Variants in SORCS3 observed in about 807,000 individuals in gnomAD.
The protein encoded by SORCS3 is VPS10 domain-containing receptor SorCS3.
SORCS3 carries 57 observed loss-of-function variants against 146.3 expected under a neutral mutation model. The ratio of observed to expected loss-of-function variants is 0.39; its 90% CI spans 0.31 to 0.49. The LOEUF (loss-of-function observed/expected upper bound fraction) is 0.49, where lower values mean the gene tolerates loss of function less well. Ranked by LOEUF, SORCS3 falls within the 20% of genes least tolerant of loss-of-function variation. SORCS3 has a pLI of 0.92. For synonymous variants in SORCS3, 653 were observed against 618.5 expected, an observed-to-expected ratio of 1.06 and a Z score of -0.83; for missense variants, 1,341 against 1,575.5, an observed-to-expected ratio of 0.85 and a Z score of 2.52.
chr10:105,040,271 A>T (rs2055330785), intron 4 of SORCS3, among the ~76,000 whole-genome samples: 1 of 152,170 alleles, frequency 6.6e-6, no homozygotes. Context: ...TATACATACA[A>T]GATATAGAAA....
chr10:104,978,695 A>C (rs2054916303), intron 4 of SORCS3, among the ~76,000 whole-genome samples: 1 of 152,082 alleles, frequency 6.6e-6, no homozygotes, highest in Non-Finnish European at 1.5e-5. Context: ...TTCTGTTACC[A>C]CCACTACTCA....
chr10:104,720,287 C>A (rs1460004268), intron 1 of SORCS3, among the ~76,000 whole-genome samples: 3 of 152,170 alleles, frequency 2.0e-5, no homozygotes, highest in African/African-American at 4.8e-5. Flanking sequence ...TCATTCATGT[C>A]CCTACAAAGG....
intron 20 of SORCS3, 119 bp from the exon 21 acceptor site, chr10:105,245,423 T>G: frequency 3.5e-6 from 4 of 1,146,908 alleles, no homozygotes; most frequent in Non-Finnish European, 3.7e-6. Context: ...CGGTATAACG[T>G]TTGTTTGTTT....
chr10:104,758,815 C>G (rs375750140), intron 1 of SORCS3, among the ~76,000 whole-genome samples: 1 of 152,158 alleles, frequency 6.6e-6, no homozygotes, highest in African/African-American at 2.4e-5. Flanking sequence ...TCTGTGCTCC[C>G]TTTTTAGCGG....
chr10:104,700,278 G>A (rs2016264664), intron 1 of SORCS3, among the ~76,000 whole-genome samples: 1 of 152,200 alleles, frequency 6.6e-6, no homozygotes, highest in Admixed American at 6.5e-5. Context: ...TAAAAATCCA[G>A]CATGGAAGTA....
intron 3 of SORCS3, 34 bp downstream of exon 3, chr10:104,915,966 C>A: frequency 3.9e-6 from 6 of 1,528,172 alleles, no homozygotes; most frequent in Non-Finnish European, 4.5e-6. Context: ...CTGAGCACTC[C>A]TGCTGGGTAG....
intron 4 of SORCS3, among the ~76,000 whole-genome samples, chr10:105,020,886 C>T (rs190523753): frequency 6.6e-6 from 1 of 152,162 alleles, no homozygotes; most frequent in African/African-American, 2.4e-5. Context: ...TGTCTGAGTT[C>T]GTATGATACT....
chr10:105,147,649 A>G lies in SORCS3; in HGVS notation c.1335A>G (p.Gln445=). 1 of 1,612,874 alleles carries G rather than the reference A, an allele frequency of 6.2e-7. No individual in the cohort carries two copies. The highest frequency in any genetic ancestry group is 8.5e-7 in the Non-Finnish European group (1 of 1,179,148). ...DMHIISTDEN[Q]VFAAVQEWNQ... is the part of the protein sequence containing the mutation. ...ACATCATCAGTACAGACGAGAACCA[A>G]GTATTTGCTGCGGTCCAAGAATGGA... is the stretch of plus-strand genomic sequence containing the variant. The change falls in exon 9 of 27, where the codon CAA becomes CAG. Residue 445 remains glutamine (Q), a synonymous_variant. Coordinates refer to ENST00000369701, the MANE Select transcript of SORCS3 (RefSeq NM_014978.3).
intron 1 of SORCS3, among the ~76,000 whole-genome samples, chr10:104,829,988 A>G (rs1282407655): frequency 6.6e-6 from 1 of 152,182 alleles, no homozygotes; most frequent in Non-Finnish European, 1.5e-5. Flanking sequence ...GCACCTGTCA[A>G]CCCATCATCT....
At chr10:105,126,395 T>C (rs2055974281) in intron 7 of SORCS3, among the ~76,000 whole-genome samples, 1 of 152,114 alleles carries the variant, frequency 6.6e-6, no homozygotes, top group Non-Finnish European at 1.5e-5. Context: ...TCTCTGACTC[T>C]CCATTTGTTA....
At chr10:105,201,489 T>G (rs969288985) in intron 16 of SORCS3, among the ~76,000 whole-genome samples, 1 of 151,638 alleles carries the variant, frequency 6.6e-6, no homozygotes, top group Non-Finnish European at 1.5e-5. Context: ...CAGAGCAGCA[T>G]CTCTCAGGGG....
At chr10:105,067,229 T>G (rs1032627049) in intron 5 of SORCS3, among the ~76,000 whole-genome samples, 1 of 152,198 alleles carries the variant, frequency 6.6e-6, no homozygotes, top group Non-Finnish European at 1.5e-5. Flanking sequence ...ATCTGTCAAT[T>G]TAAAAGAATA....
At chr10:104,747,251 T>C (rs891573352) in intron 1 of SORCS3, among the ~76,000 whole-genome samples, 1 of 152,226 alleles carries the variant, frequency 6.6e-6, no homozygotes, top group Non-Finnish European at 1.5e-5. Flanking sequence ...AACCAGCTGC[T>C]CAAAGTGTTT....
intron 1 of SORCS3, among the ~76,000 whole-genome samples, chr10:104,696,786 G>A (rs1232000721): frequency 7.8e-6 from 1 of 127,778 alleles, no homozygotes; most frequent in Non-Finnish European, 1.6e-5. Context: ...ATATATAATG[G>A]AATATTATTC....
intron 13 of SORCS3, among the ~76,000 whole-genome samples, chr10:105,167,873 A>G (rs1051431362): frequency 8.5e-5 from 13 of 152,152 alleles, no homozygotes; most frequent in Non-Finnish European, 1.6e-4. Flanking sequence ...CAATGCCTCA[A>G]GAGAGTGGGT....
rs142696199 is a variant in SORCS3, at chr10:105,157,147, A to G, written c.1492A>G (p.Ile498Val). ...IIIELYEVAG[I>V]KGIFLANKKV... ...TCACCTTTTTTCCTAGGTAGCAGGT[A>G]TCAAAGGGATATTTCTGGCAAACAA... Residue 498 changes from isoleucine (I) to valine (V), a missense_variant, in exon 10 of 27, where the codon ATC becomes GTC. Coordinates refer to ENST00000369701, the MANE Select transcript of SORCS3 (RefSeq NM_014978.3). 3.2e-5 allele frequency: 52 copies of G among 1,613,912 alleles called. No homozygotes were observed. The African/African-American group carries it at 6.7e-4, about 21-fold the overall frequency.
chr10:104,737,599 A>G (rs1284224753), intron 1 of SORCS3, among the ~76,000 whole-genome samples: 5 of 152,010 alleles, frequency 3.3e-5, no homozygotes, highest in East Asian at 1.9e-4. Context: ...GTCTGTTCAT[A>G]TCCTTTGCCC....
At chr10:105,164,269 C>T in intron 11 of SORCS3, 34 bp from the exon 12 acceptor site, 1 of 1,559,212 alleles carries the variant, frequency 6.4e-7, no homozygotes, top group South Asian at 1.1e-5. Context: ...TTGGTAAACT[C>T]CTGACAATCT....
chr10:105,263,256 C>A (rs1347962401), intron 26 of SORCS3, 54 bp from the exon 27 acceptor site: 3 of 1,565,180 alleles, frequency 1.9e-6, no homozygotes, highest in Non-Finnish European at 2.6e-6. Flanking sequence ...AACTAAGATC[C>A]CTGCCCTTGT....
Sources: allele counts gnomAD v4.1 joint callset (sites outside exome capture counted in the v4.1 genomes callset), GRCh38; gene constraint gnomAD v4.1.1; transcripts MANE v1.5; gene names NCBI Gene and HGNC (gene_info 2026-07-23, HGNC 2026-07-21).